KCTD1: variants seen among roughly 807,000 people sequenced by gnomAD.
The protein encoded by KCTD1 is BTB/POZ domain-containing protein KCTD1.
Under a neutral mutation model 66.0 loss-of-function variants are expected in KCTD1, and 24 were observed. The ratio of observed to expected loss-of-function variants is 0.36; its 90% CI spans 0.26 to 0.51. KCTD1 has a LOEUF of 0.51. Among genes scored for constraint, KCTD1 ranks in the 20% least tolerant of loss-of-function variants. The pLI is 0.95. For missense variants in KCTD1, 943 were observed against 1,205.2 expected (o/e 0.78, Z 3.22); for synonymous variants, 511 against 517.2 (o/e 0.99, Z 0.16).
chr18:26,518,070 A>AC (rs1255712005), intron 1 of KCTD1, among the ~76,000 whole-genome samples: 5 of 152,082 alleles, frequency 3.3e-5, no homozygotes, highest in East Asian at 3.9e-4. Flanking sequence ...TGTTTGCTGT[A>AC]CACCCCCATC....
chr18:26,567,404 G>A (rs1350441398), intron 1 of KCTD1, among the ~76,000 whole-genome samples: 3 of 152,070 alleles, frequency 2.0e-5, no homozygotes, highest in Non-Finnish European at 4.4e-5. Context: ...CTCCATCTTA[G>A]GGATGGTGTG....
chr18:26,619,723 T>C (rs1987331787), intron 1 of KCTD1, among the ~76,000 whole-genome samples: 1 of 152,200 alleles, frequency 6.6e-6, no homozygotes, highest in African/African-American at 2.4e-5. Flanking sequence ...ACGGGAAAGA[T>C]GCCTCTTCTT....
At chr18:26,600,360 A>G in intron 1 of KCTD1, 1 of 1,284,912 alleles carries the variant, frequency 7.8e-7, no homozygotes, top group Non-Finnish European at 1.1e-6. Context: ...CTGACATGGG[A>G]CCCATCTGCT....
At chr18:26,549,572 G>C, upstream of KCTD1, 1 of 744,242 alleles carries the variant, frequency 1.3e-6, no homozygotes, top group Non-Finnish European at 1.6e-6. Context: ...CCCTGCCCCT[G>C]AGCAAAGTGA....
intron 1 of KCTD1, among the ~76,000 whole-genome samples, chr18:26,601,346 A>AAG (rs1986894315): frequency 2.0e-5 from 3 of 150,724 alleles, no homozygotes; most frequent in Non-Finnish European, 3.0e-5. Context: ...AAAAAAAAAA[A>AAG]AAAGAAAGAA....
At chr18:26,532,259 T>TTA in intron 1 of KCTD1, among the ~76,000 whole-genome samples, 1 of 23,244 alleles carries the variant, frequency 4.3e-5, no homozygotes, top group African/African-American at 8.7e-5. Flanking sequence ...TTTTCTTTCC[T>TTA]TCTTTTTTTT....
chr18:26,637,016 T>G (rs947531445), intron 1 of KCTD1, among the ~76,000 whole-genome samples: 1 of 152,230 alleles, frequency 6.6e-6, no homozygotes, highest in Admixed American at 6.5e-5. Flanking sequence ...CCCACTGCTC[T>G]CACCCGCTGC....
At chr18:26,464,284 C>G (rs1465983049) in intron 3 of KCTD1, among the ~76,000 whole-genome samples, 1 of 152,210 alleles carries the variant, frequency 6.6e-6, no homozygotes, top group Non-Finnish European at 1.5e-5. Flanking sequence ...CCAGAGGCTG[C>G]GAGAATTCCT....
intron 1 of KCTD1, among the ~76,000 whole-genome samples, chr18:26,589,905 G>C (rs188722245): frequency 6.6e-6 from 1 of 152,252 alleles, no homozygotes; most frequent in Admixed American, 6.5e-5. Flanking sequence ...CTGACTTCAT[G>C]AAGTCATAAC....
rs1011197237 is a variant in KCTD1 at position 26,547,455 on chromosome 18, G to C, written c.1082C>G (p.Ser361Trp). ...GCTCTCGGCGCGCTTCTTGCTCCAC[G>C]ACGACGAGCGCGACTTGTGGTAGGG... ...LGPYHKSRSS[S>W]WSKKRAESSD... The change falls in exon 1 of 5, where the codon TCG becomes TGG. Residue 361 changes from serine (S) to tryptophan (W), a missense_variant. Ser to Trp is a radical substitution (Grantham distance 177). Transcript: ENST00000580059. 1.2e-5 allele frequency: 18 copies of C among 1,551,462 alleles called. No homozygotes were observed. Among genetic ancestry groups the C allele is most frequent in the Non-Finnish European group, 1.6e-5 (18 of 1,146,948 alleles).
chr18:26,469,744 T>C (rs1014324311), intron 3 of KCTD1, among the ~76,000 whole-genome samples: 8 of 152,232 alleles, frequency 5.3e-5, no homozygotes, highest in Non-Finnish European at 1.2e-4. Context: ...GATTGTGGCT[T>C]CCTGCATCTC....
At chr18:26,592,509 G>A (rs1486545341) in intron 1 of KCTD1, among the ~76,000 whole-genome samples, 2 of 152,146 alleles carry the variant, frequency 1.3e-5, no homozygotes, top group Admixed American at 1.3e-4. Context: ...CTGTTCAGGG[G>A]TTTCTACCTT....
At chr18:26,516,120 T>C (rs1048110835) in intron 1 of KCTD1, among the ~76,000 whole-genome samples, 67 of 150,804 alleles carry the variant, frequency 4.4e-4, no homozygotes, top group African/African-American at 1.6e-3. Context: ...GAGCAGGAAG[T>C]GAGGAAAGGA....
intron 1 of KCTD1, among the ~76,000 whole-genome samples, chr18:26,590,412 TAG>T (rs2144942757): frequency 6.6e-6 from 1 of 152,326 alleles, no homozygotes; most frequent in South Asian, 2.1e-4. Context: ...GCTCATTTAT[TAG>T]AAATGTATTA....
intron 1 of KCTD1, among the ~76,000 whole-genome samples, chr18:26,628,763 G>T (rs1987556801): frequency 6.6e-6 from 1 of 152,168 alleles, no homozygotes; most frequent in Non-Finnish European, 1.5e-5. Flanking sequence ...GGGGTATGGG[G>T]TGGAGTTATA....
Position 26,489,634 on chromosome 18 carries a change from G to T in KCTD1, c.1988+11438C>A, listed in dbSNP as rs544323098. ...AAATGCTTCTGTTTGGGAGTTGGGG[G>T]TAAAGGTTATTTTCCACGTTGGCCT... On this transcript the variant is annotated intron_variant, in intron 2 of 4. Transcript: ENST00000580059. Among the ~76,000 whole-genome samples the T allele has an allele frequency of 4.9e-4, 75 of 152,250 alleles. No homozygotes were observed. The Middle Eastern group carries it at 0.01, about 21-fold the overall frequency.
At chr18:26,541,348 C>T (rs1034016771) in intron 1 of KCTD1, among the ~76,000 whole-genome samples, 6 of 152,176 alleles carry the variant, frequency 3.9e-5, no homozygotes, top group African/African-American at 1.4e-4. Flanking sequence ...CCTAAAAGCA[C>T]ATATGATTAA....
intron 1 of KCTD1, among the ~76,000 whole-genome samples, chr18:26,507,546 T>G (rs1983105781): frequency 6.6e-6 from 1 of 152,080 alleles, no homozygotes; most frequent in African/African-American, 2.4e-5. Flanking sequence ...ATTAAAATTT[T>G]TTTTTCTTTT....
chr18:26,541,901 T>C (rs774505561), intron 1 of KCTD1, among the ~76,000 whole-genome samples: 1 of 151,988 alleles, frequency 6.6e-6, no homozygotes, highest in African/African-American at 2.4e-5. Context: ...AAGAGAAGAG[T>C]AGGCAAAGGA....
Sources: allele counts gnomAD v4.1 joint callset (sites outside exome capture counted in the v4.1 genomes callset), GRCh38; gene constraint gnomAD v4.1.1; transcripts MANE v1.5; gene names NCBI Gene and HGNC (gene_info 2026-07-23, HGNC 2026-07-21).